Variants in BMPR1B observed in about 807,000 individuals in gnomAD.
BMPR1B encodes the protein bone morphogenetic protein receptor type-1B.
Under a neutral mutation model 59.1 loss-of-function variants are expected in BMPR1B, and 12 were observed. That is an observed-to-expected ratio of 0.20 (90% confidence interval 0.13 to 0.33). BMPR1B has a LOEUF of 0.33. BMPR1B is among the 10% of genes least tolerant of loss of function. The pLI, the probability that BMPR1B is intolerant of heterozygous loss-of-function variation, is 1.00. For synonymous variants in BMPR1B, 237 were observed against 207.3 expected, an observed-to-expected ratio of 1.14 and a Z score of -1.23; for missense variants, 550 against 610.9, an observed-to-expected ratio of 0.90 and a Z score of 1.05.
chr4:94,929,993 C>T (rs1729032767), intron 2 of BMPR1B, among the ~76,000 whole-genome samples: 1 of 152,054 alleles, frequency 6.6e-6, no homozygotes, highest in Admixed American at 6.6e-5. Flanking sequence ...GTGTCTTCAA[C>T]TCAGTTTTTA....
At chr4:94,882,584 A>G (rs1727016870) in intron 2 of BMPR1B, among the ~76,000 whole-genome samples, 1 of 152,170 alleles carries the variant, frequency 6.6e-6, no homozygotes, top group Non-Finnish European at 1.5e-5. Flanking sequence ...CTCTTTTTGC[A>G]GATGAAGAAA....
At chr4:94,879,296 G>A (rs79313483) in intron 2 of BMPR1B, among the ~76,000 whole-genome samples, 17,038 of 152,230 alleles carry the variant, frequency 0.11, 1,007 homozygotes, top group Non-Finnish European at 0.14. Context: ...AATGTTTAAG[G>A]TATTAATGAA....
chr4:94,785,856 A>G (rs1225094551), intron 1 of BMPR1B, among the ~76,000 whole-genome samples: 1 of 152,200 alleles, frequency 6.6e-6, no homozygotes, highest in Non-Finnish European at 1.5e-5. Context: ...GTGCTGAACA[A>G]TATTGAATCC....
chr4:94,854,076 G>A (rs1476720225), intron 1 of BMPR1B, among the ~76,000 whole-genome samples: 1 of 152,014 alleles, frequency 6.6e-6, no homozygotes, highest in African/African-American at 2.4e-5. Flanking sequence ...TGAATTATTT[G>A]CATTTCCCCT....
At chr4:95,045,998 C>T (rs1175718098) in intron 3 of BMPR1B, among the ~76,000 whole-genome samples, 1 of 152,170 alleles carries the variant, frequency 6.6e-6, no homozygotes, top group Non-Finnish European at 1.5e-5. Context: ...TATACTTCTA[C>T]TTCAAATGCA....
At chr4:94,914,129 A>T (rs960211669) in intron 2 of BMPR1B, among the ~76,000 whole-genome samples, 17 of 152,134 alleles carry the variant, frequency 1.1e-4, no homozygotes, top group Admixed American at 6.6e-4. Context: ...AGTGGTAGAG[A>T]TGGGGAGAAG....
At chr4:94,845,441 C>CA (rs1236916264) in intron 1 of BMPR1B, among the ~76,000 whole-genome samples, 1 of 151,750 alleles carries the variant, frequency 6.6e-6, no homozygotes, top group Non-Finnish European at 1.5e-5. Context: ...CTCCCGGGTT[C>CA]ACGCCATTCT....
intron 1 of BMPR1B, among the ~76,000 whole-genome samples, chr4:94,778,223 T>C (rs1465466013): frequency 6.6e-6 from 1 of 152,150 alleles, no homozygotes; most frequent in African/African-American, 2.4e-5. Flanking sequence ...CCCATCTGAG[T>C]AAACACTAAC....
rs373546646 is a variant in BMPR1B, at chr4:94,784,150, T to G, written c.-183+26082T>G. ...TAATTTAAAATTTTACTTGTATGGT[T>G]GTTTTGGCTGGAGAGGGTAGGTCTG... On this transcript the variant is annotated intron_variant, in intron 1 of 12. Transcript: ENST00000515059. Among the ~76,000 whole-genome samples the G allele has an allele frequency of 9.8e-5, 15 of 152,330 alleles. No homozygotes were observed. In the South Asian group the frequency reaches 1.9e-3, roughly 19 times the overall value.
intron 2 of BMPR1B, among the ~76,000 whole-genome samples, chr4:94,957,334 T>C (rs1419616741): frequency 4.7e-5 from 1 of 21,414 alleles, no homozygotes. Context: ...CTGTTTCGTG[T>C]TTTTTTTTTT....
intron 1 of BMPR1B, among the ~76,000 whole-genome samples, chr4:94,787,512 C>T (rs1038406929): frequency 2.6e-5 from 4 of 152,118 alleles, no homozygotes; most frequent in African/African-American, 7.2e-5. Flanking sequence ...AGTGAACAGG[C>T]CTTGCTAAGT....
At chr4:94,834,783 A>G (rs1474829211) in intron 1 of BMPR1B, among the ~76,000 whole-genome samples, 2 of 152,128 alleles carry the variant, frequency 1.3e-5, no homozygotes, top group African/African-American at 2.4e-5. Context: ...GCTCTTCCAT[A>G]TCTTACTCTG....
chr4:94,872,312 C>G (rs1726531952), intron 1 of BMPR1B, among the ~76,000 whole-genome samples: 1 of 152,152 alleles, frequency 6.6e-6, no homozygotes, highest in South Asian at 2.1e-4. Context: ...CAAGTGCAAA[C>G]TGGTTTTAAA....
At chr4:94,855,441 C>T (rs116442690) in intron 1 of BMPR1B, among the ~76,000 whole-genome samples, 2,099 of 152,220 alleles carry the variant, frequency 0.014, 26 homozygotes, top group South Asian at 0.021. Context: ...ACTGGTGTGC[C>T]GATGACTCTT....
intron 2 of BMPR1B, among the ~76,000 whole-genome samples, chr4:94,927,080 G>C (rs1728917649): frequency 6.6e-6 from 1 of 152,074 alleles, no homozygotes; most frequent in Admixed American, 6.6e-5. Context: ...AGATGATCTG[G>C]ACACAACTAG....
chr4:94,972,547 C>T (rs1200484802), intron 2 of BMPR1B, among the ~76,000 whole-genome samples: 1 of 151,288 alleles, frequency 6.6e-6, no homozygotes, highest in Non-Finnish European at 1.5e-5. Context: ...TATGTTTTAC[C>T]TTGAACTTAT....
intron 3 of BMPR1B, among the ~76,000 whole-genome samples, chr4:95,063,469 T>C (rs1293544035): frequency 6.6e-6 from 1 of 152,144 alleles, no homozygotes; most frequent in African/African-American, 2.4e-5. Flanking sequence ...TGTATAAATG[T>C]AGAAACAGTT....
intron 3 of BMPR1B, among the ~76,000 whole-genome samples, chr4:95,025,066 G>A (rs972786723): frequency 6.6e-6 from 1 of 152,100 alleles, no homozygotes; most frequent in African/African-American, 2.4e-5. Flanking sequence ...CCAGCCTGGT[G>A]ACAGAGTGAG....
intron 1 of BMPR1B, among the ~76,000 whole-genome samples, chr4:94,758,946 G>A (rs1255627495): frequency 6.6e-6 from 1 of 151,324 alleles, no homozygotes; most frequent in East Asian, 1.9e-4. Context: ...CTCTCAAGAG[G>A]CTTTCGCTCC....
Sources: gnomAD v4.1 joint callset for allele counts (sites outside exome capture counted in the v4.1 genomes callset) on GRCh38, gnomAD v4.1.1 for gene constraint, MANE v1.5 for transcripts, NCBI Gene and HGNC (gene_info 2026-07-23, HGNC 2026-07-21) for gene names.